The following DTNBP1 variants were observed in gnomAD, a reference collection of about 807,000 sequenced individuals.
DTNBP1 encodes the protein dystrobrevin binding protein 1, also known as dysbindin.
DTNBP1 carries 35 observed loss-of-function variants against 42.8 expected under a neutral mutation model. The ratio of observed to expected loss-of-function variants is 0.82; its 90% CI spans 0.63 to 1.09. DTNBP1 has a LOEUF of 1.09. Among genes scored for constraint, DTNBP1 ranks in the 50% least tolerant of loss-of-function variants. The pLI, the probability that DTNBP1 is intolerant of heterozygous loss-of-function variation, is 0.00. For missense variants in DTNBP1, 457 were observed against 424.2 expected, an observed-to-expected ratio of 1.08 and a Z score of -0.68; for synonymous variants, 171 against 162.2, an observed-to-expected ratio of 1.05 and a Z score of -0.41.
At chr6:15,626,148 A>G (rs1489969056) in intron 5 of DTNBP1, among the ~76,000 whole-genome samples, 1 of 152,186 alleles carries the variant, frequency 6.6e-6, no homozygotes, top group East Asian at 1.9e-4. Context: ...ATGTGGTTGG[A>G]ATCCTAGATG....
Position 15,662,950 on chromosome 6 carries a change from CCGCGCTGTCACCG to C in DTNBP1, c.-94_-82del. ...CCCCCTGGGTCCCACGCCGCCAACCCCGCGCTGTCACCGCGCGCCCCGCACTCCCACTACCGGC... is the reference window on the plus strand; with the variant it reads ...CCCCCTGGGTCCCACGCCGCCAACCCCGCGCCCCGCACTCCCACTACCGGC... On this transcript the variant is annotated 5_prime_UTR_variant, in exon 1 of 10. Transcript: ENST00000344537. 6.3e-7 allele frequency: 1 copy of C among 1,582,878 alleles called. No individual in the cohort carries two copies. The highest frequency in any genetic ancestry group is 8.6e-7 in the Non-Finnish European group (1 of 1,167,150).
At chr6:15,534,641 CAG>C (rs1363640815) in intron 7 of DTNBP1, among the ~76,000 whole-genome samples, 1 of 113,796 alleles carries the variant, frequency 8.8e-6, no homozygotes, top group African/African-American at 3.6e-5. Flanking sequence ...GCCTGGGAGA[CAG>C]AGCGAGACTC....
intron 6 of DTNBP1, among the ~76,000 whole-genome samples, chr6:15,612,629 GC>G (rs1210903275): frequency 6.6e-6 from 1 of 152,206 alleles, no homozygotes; most frequent in African/African-American, 2.4e-5. Flanking sequence ...CTTAGCTGGT[GC>G]CAAGCACTAT....
rs193252460 is a variant in DTNBP1, at chr6:15,525,697, T to G, written c.668-1028A>C. 2.0e-5 allele frequency among the ~76,000 whole-genome samples: 3 copies of G among 152,010 alleles called. No homozygotes were observed. In the East Asian group the frequency reaches 5.8e-4, roughly 29 times the overall value. On this transcript the variant is annotated intron_variant, in intron 8 of 9. Coordinates refer to ENST00000344537, the MANE Select transcript of DTNBP1 (RefSeq NM_032122.5). The stretch of plus-strand genomic sequence containing the variant: ...ACAGCCCAATAGAAAATTAATAAAC[T>G]AGAAGGCAGGATGAGTAAATCTGCC...
chr6:15,562,307 T>C (rs1774879534), intron 7 of DTNBP1, among the ~76,000 whole-genome samples: 1 of 152,236 alleles, frequency 6.6e-6, no homozygotes, highest in Admixed American at 6.5e-5. Flanking sequence ...GTTGTGTTTT[T>C]TTCATAATTT....
Position 15,610,390 on chromosome 6 carries a change from C to G in DTNBP1, c.488+4877G>C, listed in dbSNP as rs1758327272. ...CCAATTTCTCTTCCTCTCCTTGGAC[C>G]CCTCTATTTCCTGAGACCCAATAAT... On this transcript the variant is annotated intron_variant, in intron 6 of 9. Coordinates refer to ENST00000344537, the MANE Select transcript of DTNBP1 (RefSeq NM_032122.5). Among the ~76,000 whole-genome samples, 4 of 152,248 alleles carry G rather than the reference C, an allele frequency of 2.6e-5. No individual in the cohort carries two copies. In the South Asian group the frequency reaches 8.3e-4, roughly 32 times the overall value.
At chr6:15,643,817 C>T (rs1760518701) in intron 3 of DTNBP1, among the ~76,000 whole-genome samples, 1 of 152,120 alleles carries the variant, frequency 6.6e-6, no homozygotes, top group Admixed American at 6.5e-5. Flanking sequence ...AAGAATGATA[C>T]CTGCTACCAT....
intron 7 of DTNBP1, among the ~76,000 whole-genome samples, chr6:15,566,178 A>G (rs1775067193): frequency 6.6e-6 from 1 of 151,222 alleles, no homozygotes; most frequent in African/African-American, 2.4e-5. Context: ...AGCCGGGCGT[A>G]GTGGCGGGCG....
At chr6:15,582,034 T>C (rs1439329169) in intron 7 of DTNBP1, among the ~76,000 whole-genome samples, 1 of 152,124 alleles carries the variant, frequency 6.6e-6, no homozygotes, top group African/African-American at 2.4e-5. Flanking sequence ...AGAATAGCCC[T>C]GTATTAAAGG....
Position 15,587,928 on chromosome 6 carries a change from G to A in DTNBP1, c.511+5131C>T, listed in dbSNP as rs141127190. 1.4e-3 allele frequency among the ~76,000 whole-genome samples: 215 copies of A among 152,248 alleles called. No individual in the cohort carries two copies. Among genetic ancestry groups the A allele is most frequent in the African/African-American group, 5.0e-3 (207 of 41,550 alleles). On this transcript the variant is annotated intron_variant, in intron 7 of 9. Transcript: ENST00000344537. This position sits in a 1 kb window ranked among gnomAD's most constrained non-coding sequence, Gnocchi z 4.1. ...TACAGCCATTTTAGAAAACAGTTCAGCAGTTTCTCAAAAAGTTAAACACAA... is the reference window on the plus strand; with the variant it reads ...TACAGCCATTTTAGAAAACAGTTCAACAGTTTCTCAAAAAGTTAAACACAA...
intron 3 of DTNBP1, among the ~76,000 whole-genome samples, chr6:15,643,582 A>C (rs1243193657): frequency 6.6e-6 from 1 of 152,198 alleles, no homozygotes; most frequent in Non-Finnish European, 1.5e-5. Context: ...TCAGGCTAAC[A>C]GTGGACTTCT....
chr6:15,643,466 GA>G (rs1760493021), intron 3 of DTNBP1, among the ~76,000 whole-genome samples: 1 of 151,934 alleles, frequency 6.6e-6, no homozygotes, highest in East Asian at 1.9e-4. Context: ...TACCATATAA[GA>G]TGACATCCCC....
chr6:15,602,190 A>G (rs1776757471), intron 6 of DTNBP1, among the ~76,000 whole-genome samples: 1 of 152,224 alleles, frequency 6.6e-6, no homozygotes, highest in Non-Finnish European at 1.5e-5. Flanking sequence ...AAGACTAGTA[A>G]TAGTAAAAGG....
At chr6:15,544,697 T>C (rs1773774090) in intron 7 of DTNBP1, among the ~76,000 whole-genome samples, 1 of 152,238 alleles carries the variant, frequency 6.6e-6, no homozygotes, top group Non-Finnish European at 1.5e-5. Flanking sequence ...TTTTTTGTTT[T>C]AGCCATGCTC....
chr6:15,645,267 C>G (rs1013658343), intron 3 of DTNBP1, among the ~76,000 whole-genome samples: 1 of 151,450 alleles, frequency 6.6e-6, no homozygotes, highest in Admixed American at 6.6e-5. Context: ...TAACAAGTTA[C>G]GAAATTCAAT....
chr6:15,568,822 A>C (rs915438498), intron 7 of DTNBP1, among the ~76,000 whole-genome samples: 1 of 152,186 alleles, frequency 6.6e-6, no homozygotes, highest in Non-Finnish European at 1.5e-5. Flanking sequence ...TGACATACCA[A>C]ATACATGTTA....
rs1038067120 is a variant in DTNBP1 at position 15,523,234 on chromosome 6, A to G, written c.812-15T>C. 2 of 1,613,944 alleles carry G rather than the reference A, an allele frequency of 1.2e-6. No homozygotes were observed. The highest frequency in any genetic ancestry group is 2.7e-5 in the African/African-American group (2 of 75,062). ...GGATTCAGGCCCTGCAAAATAACGT[A>G]GGGAAGAAAAAGCCCTGTCATAAAA... On this transcript the variant is annotated splice_polypyrimidine_tract_variant and intron_variant, in intron 9 of 9. Transcript: ENST00000344537.
chr6:15,606,001 C>T (rs949541818), intron 6 of DTNBP1, among the ~76,000 whole-genome samples: 3 of 152,202 alleles, frequency 2.0e-5, no homozygotes, highest in East Asian at 3.9e-4. Context: ...GTATTTTCCC[C>T]GTACAACCAC....
At chr6:15,545,821 T>G (rs1773837474) in intron 7 of DTNBP1, among the ~76,000 whole-genome samples, 1 of 152,170 alleles carries the variant, frequency 6.6e-6, no homozygotes, top group Non-Finnish European at 1.5e-5. Flanking sequence ...AAATGAACAC[T>G]GCAGGAACAA....
Sources: allele counts gnomAD v4.1 joint callset (sites outside exome capture counted in the v4.1 genomes callset), GRCh38; gene constraint gnomAD v4.1.1; non-coding constraint Gnocchi (gnomAD v3.1); transcripts MANE v1.5; gene names NCBI Gene and HGNC (gene_info 2026-07-23, HGNC 2026-07-21).